Variants in CFAP46 observed in about 807,000 individuals in gnomAD.
CFAP46 encodes the protein cilia and flagella associated protein 46, also known as cilia- and flagella-associated protein 46.
In CFAP46, 245 loss-of-function variants were observed where a neutral mutation model predicts 325.7. That is an observed-to-expected ratio of 0.75 (90% CI 0.68 to 0.84). CFAP46 has a LOEUF of 0.84. Among genes scored for constraint, CFAP46 ranks in the 40% least tolerant of loss-of-function variants. CFAP46 has a pLI of 0.00. For synonymous variants in CFAP46, 1,523 were observed against 1,495.9 expected, an observed-to-expected ratio of 1.02 and a Z score of -0.42; for missense variants, 3,346 against 3,543.0, an observed-to-expected ratio of 0.94 and a Z score of 1.41.
intron 54 of CFAP46, among the ~76,000 whole-genome samples, chr10:132,813,160 C>T (rs1484605662): frequency 6.6e-6 from 1 of 152,120 alleles, no homozygotes; most frequent in Non-Finnish European, 1.5e-5. Context: ...GGGCGGGGCT[C>T]GCTGCGGGAA....
chr10:132,860,466 GTCTT>G lies in CFAP46; in HGVS notation c.5145_5148del (p.Glu1715AspfsTer11), dbSNP rs1564781964. On this transcript the variant is annotated frameshift_variant, in exon 37 of 58. Transcript: ENST00000368586. LOFTEE classifies it high-confidence loss of function. ...AATTCCAGTAAAGGCAATCGGTTTG[GTCTT>G]TCTTTCTTGAGGATCTTGAAGGCAT... The G allele has an allele frequency of 7.7e-6, 12 of 1,551,146 alleles. No individual in the cohort carries two copies. The highest frequency in any genetic ancestry group is 1.4e-5 in the African/African-American group (1 of 73,058).
In CFAP46 at chr10:132,867,485, T is replaced by C. The variant is rs983249803; in HGVS notation, c.4633A>G (p.Lys1545Glu). Residue 1545 changes from lysine to glutamate, a missense_variant, in exon 34 of 58, where the codon AAA becomes GAA. Transcript: ENST00000368586. Reference protein sequence around the residue: ...QASCRKEIALKKEKNKEPLLE... With the variant: ...QASCRKEIALEKEKNKEPLLE... ...AAAGGCTCCTTATTTTTCTCTTTTT[T>C]CAACGCGATCTCTTTTCTGCAGCTA... is the stretch of plus-strand genomic sequence containing the variant. The C allele has an allele frequency of 1.1e-5, 17 of 1,550,174 alleles. No homozygotes were observed. The highest frequency in any genetic ancestry group is 2.0e-5 in the Admixed American group (1 of 50,938).
intron 24 of CFAP46, among the ~76,000 whole-genome samples, chr10:132,896,143 C>T (rs1276561357): frequency 1.3e-5 from 1 of 75,764 alleles, no homozygotes; most frequent in African/African-American, 3.3e-5. Context: ...CTGTGTGCCA[C>T]ATGAAGACAC....
In CFAP46 at chr10:132,847,408, T is replaced by C; in HGVS notation, c.5953-87A>G. The C allele has an allele frequency of 6.5e-7, 1 of 1,532,832 alleles. No homozygotes were observed. The highest frequency in any genetic ancestry group is 1.2e-5 in the South Asian group (1 of 84,228). The allele number at this position is 1,532,832 out of a possible 1,614,324, so 95.0% of individuals were successfully genotyped here. A position where few individuals can be genotyped will look rare whatever the true frequency, so the allele number is the denominator to read the frequency against. ...GGCCCACCCAGGGAGGCCGGGGTGG[T>C]CGGGCTCCTCAGCAGGGTCCCCGGG... On this transcript the variant is annotated intron_variant, in intron 41 of 57. Coordinates refer to ENST00000368586, the MANE Select transcript of CFAP46 (RefSeq NM_001200049.3). This position sits in a 1 kb window ranked among gnomAD's most constrained non-coding sequence, Gnocchi z 5.2.
chr10:132,939,448 G>A lies in CFAP46; in HGVS notation c.372-695C>T, dbSNP rs1850064231. Among the ~76,000 whole-genome samples, 1 of 152,154 alleles carries A rather than the reference G, an allele frequency of 6.6e-6. No individual in the cohort carries two copies. The highest frequency in any genetic ancestry group is 1.5e-5 in the Non-Finnish European group (1 of 68,018). On this transcript the variant is annotated intron_variant, in intron 4 of 57. Transcript: ENST00000368586. The surrounding 1 kb of genome is among the most constrained non-coding windows in gnomAD (Gnocchi z 4.6). Reference sequence around the variant, plus strand: ...GGCCCATCTGCCCTTCTCACTCTAGGGCCACTCCACAGTGGGGCAGGCCAG... The same window carrying A: ...GGCCCATCTGCCCTTCTCACTCTAGAGCCACTCCACAGTGGGGCAGGCCAG...
rs1027788722 is a variant in CFAP46, at chr10:132,850,228, A to T, written c.5952+16T>A. ...GGTGTTGGAGCCAGACTTGGGATAG[A>T]AGCAGGAGCACCTACCGAGGGGCCC... On this transcript the variant is annotated intron_variant, in intron 41 of 57. Transcript: ENST00000368586. 1 of 1,550,120 alleles carries T rather than the reference A, an allele frequency of 6.5e-7. No homozygotes were observed. The highest frequency in any genetic ancestry group is 8.7e-7 in the Non-Finnish European group (1 of 1,146,642).
Position 132,808,549 on chromosome 10 carries a change from C to T in CFAP46, c.8020G>A (p.Gly2674Ser). Residue 2674 changes from glycine (G) to serine (S), a missense_variant, in exon 58 of 58, where the codon GGT becomes AGT. By Grantham distance (56) the Gly-to-Ser change is moderately conservative. Transcript: ENST00000368586. This position sits in a 1 kb window ranked among gnomAD's most constrained non-coding sequence, Gnocchi z 6.8. The stretch of plus-strand genomic sequence containing the variant: ...ACGCAGCTCCAGCCCCGACGCAGAC[C>T]CCATGGCGCACACAGGCAGGCAGAG... The part of the protein sequence containing the change: ...SSSACLCAPW[G>S]LRRGWSCVSS... The T allele has an allele frequency of 6.2e-7, 1 of 1,613,012 alleles. No individual in the cohort carries two copies. Among genetic ancestry groups the T allele is most frequent in the African/African-American group, 1.3e-5 (1 of 75,054 alleles).
chr10:132,814,664 C>T (rs376503628), intron 52 of CFAP46, 22 bp downstream of exon 52: 4 of 1,586,124 alleles, frequency 2.5e-6, no homozygotes, highest in Admixed American at 1.8e-5. Context: ...CTGGGGCCCC[C>T]CCGGGGCCCA....
rs1438701812 is a variant in CFAP46 at position 132,860,470 on chromosome 10, T to G, written c.5145A>C (p.Glu1715Asp). ...LINAFKILKK[E>D]RPNRLPLLEF... ...CCAGTAAAGGCAATCGGTTTGGTCT[T>G]TCTTTCTTGAGGATCTTGAAGGCAT... Residue 1715 changes from glutamate (E) to aspartate (D), a missense_variant, in exon 37 of 58, where the codon GAA becomes GAC. Physicochemically the swap from Glu to Asp is conservative, Grantham distance 45. Transcript: ENST00000368586. 4.5e-6 allele frequency: 7 copies of G among 1,551,258 alleles called. No individual in the cohort carries two copies. The highest frequency in any genetic ancestry group is 1.4e-5 in the African/African-American group (1 of 73,186).
At chr10:132,830,718 G>C (rs747632635) in intron 50 of CFAP46, among the ~76,000 whole-genome samples, 2 of 152,122 alleles carry the variant, frequency 1.3e-5, no homozygotes, top group Non-Finnish European at 2.9e-5. Context: ...GACCTGACTA[G>C]AGGTGTATTA....
rs1176432754 is a variant in CFAP46 at position 132,889,774 on chromosome 10, C to A, written c.3304+2559G>T. Among the ~76,000 whole-genome samples the A allele has an allele frequency of 6.6e-6, 1 of 152,158 alleles. No individual in the cohort carries two copies. Among genetic ancestry groups the A allele is most frequent in the Admixed American group, 6.5e-5 (1 of 15,282 alleles). On this transcript the variant is annotated intron_variant, in intron 25 of 57. Transcript: ENST00000368586. This position sits in a 1 kb window ranked among gnomAD's most constrained non-coding sequence, Gnocchi z 6.0. Reference sequence around the variant, plus strand: ...ATGGTGCCTCCGGGTGGGTGAGGGCCGTGGACTGTGCATGAGGAGGAATGT... The same window carrying A: ...ATGGTGCCTCCGGGTGGGTGAGGGCAGTGGACTGTGCATGAGGAGGAATGT...
chr10:132,913,347 A>T, intron 17 of CFAP46, 89 bp from the exon 18 acceptor site: 20 of 488,776 alleles, frequency 4.1e-5, no homozygotes, highest in East Asian at 1.2e-4. Context: ...GTTAGGAACC[A>T]GGCTGCAGGG....
chr10:132,924,951 C>T (rs1490146780), intron 10 of CFAP46, 65 bp from the exon 11 acceptor site: 20 of 1,320,802 alleles, frequency 1.5e-5, no homozygotes, highest in Non-Finnish European at 2.0e-5. Context: ...TGGGGCGGCA[C>T]CTGCGTGCAG....
In CFAP46 at chr10:132,889,985, T is replaced by TG. The variant is rs1305886078; in HGVS notation, c.3304+2347dup. 2.6e-5 allele frequency among the ~76,000 whole-genome samples: 4 copies of TG among 152,260 alleles called. No homozygotes were observed. Among genetic ancestry groups the TG allele is most frequent in the Admixed American group, 1.3e-4 (2 of 15,286 alleles). On this transcript the variant is annotated intron_variant, in intron 25 of 57. Transcript: ENST00000368586. The surrounding 1 kb of genome is among the most constrained non-coding windows in gnomAD (Gnocchi z 6.0). ...TCAGGAGCGTACATTTTCGTATCTG[T>TG]GAAAAGTGCTCCTTTCCACAAAATC... is the stretch of plus-strand genomic sequence containing the variant.
intron 31 of CFAP46, among the ~76,000 whole-genome samples, chr10:132,873,709 G>A (rs1240386917): frequency 6.6e-6 from 1 of 152,136 alleles, no homozygotes; most frequent in East Asian, 1.9e-4. Flanking sequence ...CCAGGCAGAG[G>A]GGCCGTGCGG....
rs1253617404 is a variant in CFAP46, at chr10:132,832,388, G to C, written c.7117+970C>G. Reference sequence around the variant, plus strand: ...TTGCGGAGACCCCTGGGCTCTTCCTGCCCCCCCCCCCCAATGCTGTGGCCT... The same window carrying C: ...TTGCGGAGACCCCTGGGCTCTTCCTCCCCCCCCCCCCCAATGCTGTGGCCT... On this transcript the variant is annotated intron_variant, in intron 50 of 57. Transcript: ENST00000368586. The surrounding 1 kb of genome is among the most constrained non-coding windows in gnomAD (Gnocchi z 4.1). Among the ~76,000 whole-genome samples, 17 of 106,056 alleles carry C rather than the reference G, an allele frequency of 1.6e-4. No individual in the cohort carries two copies. Among genetic ancestry groups the C allele is most frequent in the African/African-American group, 3.2e-4 (8 of 25,030 alleles). The allele number at this position is 106,056 out of a possible 152,430, so 69.6% of individuals were successfully genotyped here.
Position 132,814,207 on chromosome 10 carries a change from G to T in CFAP46, c.7333C>A (p.Gln2445Lys). 6.2e-7 allele frequency: 1 copy of T among 1,613,960 alleles called. No individual in the cohort carries two copies. The highest frequency in any genetic ancestry group is 8.5e-7 in the Non-Finnish European group (1 of 1,180,002). ...GCCCATCGCGACGTGAATGTGTCTT[G>T]GAATCTTTCCAAAATGTCTTGGGTG... ...SITQDILERFQDTFTSRWAGH... is the reference protein window; with the variant it reads ...SITQDILERFKDTFTSRWAGH... Residue 2445 changes from glutamine to lysine, a missense_variant, in exon 54 of 58, where the codon CAA (glutamine) becomes AAA (lysine). Physicochemically the swap from Gln to Lys is moderately conservative, Grantham distance 53. Transcript: ENST00000368586.
rs887972053 is a variant in CFAP46, at chr10:132,919,307, G to A, written c.1858+8C>T. ...GGCTGGGACACACTCGTGAGGGCGG[G>A]TACGAACCTCGCCGCAGCCTCAACT... On this transcript the variant is annotated splice_region_variant and intron_variant, in intron 15 of 57. Transcript: ENST00000368586. This position sits in a 1 kb window ranked among gnomAD's most constrained non-coding sequence, Gnocchi z 9.7. 6 of 1,548,704 alleles carry A rather than the reference G, an allele frequency of 3.9e-6. No individual in the cohort carries two copies. Among genetic ancestry groups the A allele is most frequent in the Non-Finnish European group, 5.2e-6 (6 of 1,146,166 alleles).
At chr10:132,887,463 T>G (rs2060531222) in intron 25 of CFAP46, among the ~76,000 whole-genome samples, 1 of 115,452 alleles carries the variant, frequency 8.7e-6, no homozygotes, top group African/African-American at 3.5e-5. Flanking sequence ...TCCTCTCCCC[T>G]CTTCTCTCTC....
Sources: allele counts gnomAD v4.1 joint callset (sites outside exome capture counted in the v4.1 genomes callset), GRCh38; gene constraint gnomAD v4.1.1; non-coding constraint Gnocchi (gnomAD v3.1); transcripts MANE v1.5; gene names NCBI Gene and HGNC (gene_info 2026-07-23, HGNC 2026-07-21).